Variants in USP46 observed in about 807,000 individuals in gnomAD.
USP46 encodes ubiquitin specific peptidase 46, also known as ubiquitin carboxyl-terminal hydrolase 46.
In USP46, 12 loss-of-function variants were observed where a neutral mutation model predicts 44.4. That is an observed-to-expected ratio of 0.27 (90% CI 0.17 to 0.44). The LOEUF (loss-of-function observed/expected upper bound fraction) is 0.44. Among genes scored for constraint, USP46 ranks in the 20% least tolerant of loss-of-function variants. The probability of loss-of-function intolerance (pLI) is 1.00; values close to 1 mark genes in which losing one functional copy is unlikely to be tolerated. For missense variants in USP46, 248 were observed against 444.8 expected (o/e 0.56, Z 3.98); for synonymous variants, 155 against 161.5 (o/e 0.96, Z 0.31).
At chr4:52,630,583 A>G (rs186453735) in intron 2 of USP46, among the ~76,000 whole-genome samples, 1 of 152,100 alleles carries the variant, frequency 6.6e-6, no homozygotes, top group African/African-American at 2.4e-5. Context: ...TGTCTCTACT[A>G]AAAAATTAGC....
At chr4:52,655,388 A>G (rs1023977936) in intron 1 of USP46, 23 of 152,362 alleles carry the variant, frequency 1.5e-4, no homozygotes, top group African/African-American at 5.5e-4. Context: ...AAAACTCGTA[A>G]TCATTTGATA....
intron 1 of USP46, among the ~76,000 whole-genome samples, chr4:52,653,754 C>T (rs1176224526): frequency 3.3e-5 from 5 of 151,976 alleles, no homozygotes; most frequent in Admixed American, 2.0e-4. Flanking sequence ...TAGGTGGTTA[C>T]CAAATACCTT....
intron 3 of USP46, 35 bp downstream of exon 3, chr4:52,627,915 A>C (rs1353589775): frequency 1.3e-6 from 2 of 1,574,642 alleles, no homozygotes; most frequent in Non-Finnish European, 1.7e-6. Context: ...TCCTTATTTC[A>C]GAGGCTTAAA....
intron 4 of USP46, among the ~76,000 whole-genome samples, chr4:52,616,371 C>T (rs1717148281): frequency 6.6e-6 from 1 of 151,614 alleles, no homozygotes; most frequent in Admixed American, 6.6e-5. Context: ...TCCTTCCTTC[C>T]TTCCCTTCTT....
chr4:52,627,598 C>T (rs568973408), intron 3 of USP46, among the ~76,000 whole-genome samples: 5 of 152,310 alleles, frequency 3.3e-5, no homozygotes, highest in Non-Finnish European at 7.4e-5. Flanking sequence ...TAAGCCAGTA[C>T]TATTTTATTT....
At chr4:52,637,358 G>A (rs565004648) in intron 1 of USP46, among the ~76,000 whole-genome samples, 31 of 152,196 alleles carry the variant, frequency 2.0e-4, no homozygotes, top group African/African-American at 3.4e-4. Context: ...ACTCTTTCTC[G>A]GCAGCCTGGA....
intron 7 of USP46, among the ~76,000 whole-genome samples, chr4:52,599,967 T>A (rs559450077): frequency 6.6e-6 from 1 of 152,210 alleles, no homozygotes; most frequent in Admixed American, 6.5e-5. Flanking sequence ...TGTGCTCAAA[T>A]GTCACCTCCC....
At position 52,632,981 on chromosome 4, in the gene USP46, A is replaced by AAAGAG. The variant is rs1717942818; in HGVS notation, c.37-1838_37-1837insCTCTT. 3.2e-5 allele frequency among the ~76,000 whole-genome samples: 2 copies of AAAGAG among 63,394 alleles called. 1 individual carries two copies. The highest frequency in any genetic ancestry group is 1.6e-4 in the African/African-American group (2 of 12,500). The allele number at this position is 63,394 out of a possible 152,430, so 41.6% of individuals were successfully genotyped here. A position where few individuals can be genotyped will look rare whatever the true frequency, so the allele number is the denominator to read the frequency against. ...GAAAGAAAGAAAGAAAGAAAGAAAGAAAGAAAAGAAAAGAAAGAAAGAAAG... is the reference window on the plus strand; with the variant it reads ...GAAAGAAAGAAAGAAAGAAAGAAAGAAAGAGAAGAAAAGAAAAGAAAGAAAGAAAG... On this transcript the variant is annotated intron_variant, in intron 1 of 8. Coordinates refer to ENST00000441222, the MANE Select transcript of USP46 (RefSeq NM_022832.4).
At chr4:52,598,232 T>A (rs1449246839) in intron 8 of USP46, among the ~76,000 whole-genome samples, 1 of 152,232 alleles carries the variant, frequency 6.6e-6, no homozygotes, top group African/African-American at 2.4e-5. Context: ...ACAGACTGAA[T>A]AAAATATTTT....
intron 1 of USP46, among the ~76,000 whole-genome samples, chr4:52,643,182 T>G (rs1718417577): frequency 6.6e-6 from 1 of 152,232 alleles, no homozygotes; most frequent in East Asian, 1.9e-4. Flanking sequence ...CTCCTCTGGC[T>G]GCCTCTCCTC....
At position 52,615,953 on chromosome 4, in the gene USP46, C is replaced by CA. The variant is rs557578155; in HGVS notation, c.562-5337dup. 9.0e-4 allele frequency among the ~76,000 whole-genome samples: 137 copies of CA among 152,288 alleles called. No individual in the cohort carries two copies. The Middle Eastern group carries it at 0.014, about 15-fold the overall frequency. ...TAAAAGGAGAAACAGAACAATCCCA[C>CA]AAAAATATTTTAATGCTCCTTTCTC... On this transcript the variant is annotated intron_variant, in intron 4 of 8. Coordinates refer to ENST00000441222, the MANE Select transcript of USP46 (RefSeq NM_022832.4).
chr4:52,657,557 T>C (rs930441253), intron 1 of USP46, among the ~76,000 whole-genome samples: 1 of 151,954 alleles, frequency 6.6e-6, no homozygotes, highest in African/African-American at 2.4e-5. Context: ...CCAACAGACA[T>C]AAAAGAGTAT....
intron 1 of USP46, among the ~76,000 whole-genome samples, chr4:52,640,821 A>T (rs1256253053): frequency 1.3e-5 from 2 of 151,926 alleles, no homozygotes; most frequent in African/African-American, 2.4e-5. Flanking sequence ...AAAAAAAAAA[A>T]AATTAACAAA....
intron 4 of USP46, among the ~76,000 whole-genome samples, chr4:52,612,422 T>C (rs1010640576): frequency 1.1e-4 from 16 of 152,234 alleles, no homozygotes; most frequent in Non-Finnish European, 2.1e-4. Context: ...GCTTCACAGA[T>C]ACTCTCATCA....
intron 6 of USP46, among the ~76,000 whole-genome samples, chr4:52,602,956 C>T (rs955278292): frequency 4.6e-5 from 7 of 152,210 alleles, no homozygotes; most frequent in African/African-American, 1.4e-4. Flanking sequence ...CTTCCAGTTA[C>T]CTTCCAGCCC....
intron 4 of USP46, among the ~76,000 whole-genome samples, chr4:52,617,295 G>C (rs971027358): frequency 1.1e-4 from 17 of 152,224 alleles, no homozygotes; most frequent in African/African-American, 4.1e-4. Context: ...TGAAATAAGA[G>C]GATTATAGCC....
At chr4:52,637,532 C>A (rs1359550555) in intron 1 of USP46, among the ~76,000 whole-genome samples, 1 of 152,170 alleles carries the variant, frequency 6.6e-6, no homozygotes, top group African/African-American at 2.4e-5. Flanking sequence ...TGTCAAAAAC[C>A]TATGGGTCAT....
chr4:52,606,731 T>C (rs1206995159), intron 5 of USP46, among the ~76,000 whole-genome samples: 1 of 152,018 alleles, frequency 6.6e-6, no homozygotes, highest in Non-Finnish European at 1.5e-5. Flanking sequence ...TAACCAACAG[T>C]CTCAACAAAG....
intron 1 of USP46, among the ~76,000 whole-genome samples, chr4:52,634,414 C>T (rs1216242193): frequency 9.6e-5 from 14 of 146,230 alleles, no homozygotes; most frequent in African/African-American, 3.5e-4. Context: ...GAGGCTGAGG[C>T]AGGAGAATCA....
Sources: gnomAD v4.1 joint callset for allele counts (sites outside exome capture counted in the v4.1 genomes callset) on GRCh38, gnomAD v4.1.1 for gene constraint, MANE v1.5 for transcripts, NCBI Gene and HGNC (gene_info 2026-07-23, HGNC 2026-07-21) for gene names.